The following SFMBT1 variants were observed in gnomAD, a reference collection of about 807,000 sequenced individuals.
The protein encoded by SFMBT1 is scm-like with four MBT domains protein 1.
Under a neutral mutation model 108.7 loss-of-function variants are expected in SFMBT1, and 32 were observed. The ratio of observed to expected loss-of-function variants is 0.29; its 90% CI spans 0.22 to 0.40. The LOEUF (loss-of-function observed/expected upper bound fraction) is 0.40. Among genes scored for constraint, SFMBT1 ranks in the 10% least tolerant of loss-of-function variants. SFMBT1 has a pLI of 1.00. For synonymous variants in SFMBT1, 348 were observed against 369.5 expected (o/e 0.94, Z 0.67); for missense variants, 816 against 1,059.6 (o/e 0.77, Z 3.19).
At chr3:52,991,105 T>C (rs535957723) in intron 1 of SFMBT1, among the ~76,000 whole-genome samples, 34 of 152,322 alleles carry the variant, frequency 2.2e-4, no homozygotes, top group African/African-American at 6.7e-4. Flanking sequence ...TTTTTTAAAA[T>C]TGCTCTTTGT....
At chr3:53,021,390 G>T (rs1699301389) in intron 1 of SFMBT1, among the ~76,000 whole-genome samples, 1 of 152,168 alleles carries the variant, frequency 6.6e-6, no homozygotes, top group South Asian at 2.1e-4. Context: ...TTAAAGCTGG[G>T]TGATGTGTAA....
intron 1 of SFMBT1, among the ~76,000 whole-genome samples, chr3:52,971,623 T>A (rs1704346507): frequency 1.3e-5 from 2 of 152,284 alleles, no homozygotes; most frequent in African/African-American, 4.8e-5. Context: ...GAGATATGGT[T>A]CCTGCTTTCA....
chr3:53,030,777 C>A (rs1438265879), intron 1 of SFMBT1, among the ~76,000 whole-genome samples: 1 of 150,858 alleles, frequency 6.6e-6, no homozygotes. Context: ...AATACATTAG[C>A]AAGTCTGTGA....
At chr3:52,964,935 A>G (rs1047033336) in intron 2 of SFMBT1, among the ~76,000 whole-genome samples, 5 of 152,208 alleles carry the variant, frequency 3.3e-5, no homozygotes, top group African/African-American at 1.2e-4. Context: ...ACACAAAGGA[A>G]AAATCAACTT....
rs192326263 is a variant in SFMBT1 at position 52,935,843 on chromosome 3, C to T, written c.365-942G>A. ...AGGTTTCTTCTCCTTCCTCCCCTCCCGTGTCCCTACTCTCTCTTTTTTTAC... is the reference window on the plus strand; with the variant it reads ...AGGTTTCTTCTCCTTCCTCCCCTCCTGTGTCCCTACTCTCTCTTTTTTTAC... On this transcript the variant is annotated intron_variant, in intron 4 of 20. Transcript: ENST00000394752. Among the ~76,000 whole-genome samples, 118 of 152,282 alleles carry T rather than the reference C, an allele frequency of 7.7e-4. 1 individual carries two copies. The highest frequency in any genetic ancestry group is 3.4e-3 in the Middle Eastern group (1 of 294).
chr3:52,989,253 G>A (rs527779050), intron 1 of SFMBT1, among the ~76,000 whole-genome samples: 1 of 151,914 alleles, frequency 6.6e-6, no homozygotes, highest in Admixed American at 6.6e-5. Context: ...AAAATTATTG[G>A]TATAATTTTC....
intron 2 of SFMBT1, among the ~76,000 whole-genome samples, chr3:52,966,624 C>CAAAAAA (rs35044878): frequency 1.9e-4 from 9 of 48,380 alleles, no homozygotes; most frequent in Non-Finnish European, 2.6e-4. Context: ...GACTCAGTCT[C>CAAAAAA]AAAAAAAAAA....
chr3:53,008,185 C>G (rs982861653), intron 1 of SFMBT1, among the ~76,000 whole-genome samples: 1 of 151,908 alleles, frequency 6.6e-6, no homozygotes, highest in South Asian at 2.1e-4. Flanking sequence ...TATAATGTGT[C>G]AATGTTAATT....
At chr3:53,019,802 T>A (rs913207189) in intron 1 of SFMBT1, among the ~76,000 whole-genome samples, 1 of 152,062 alleles carries the variant, frequency 6.6e-6, no homozygotes, top group African/African-American at 2.4e-5. Context: ...ACAAAGCAAA[T>A]CATGACACAA....
chr3:52,943,707 A>C, intron 3 of SFMBT1, 114 bp from the exon 4 acceptor site: 126 of 1,347,312 alleles, frequency 9.4e-5, no homozygotes, highest in Middle Eastern at 1.8e-4. Context: ...ATAACATCTC[A>C]AGGAAAGCCT....
intron 1 of SFMBT1, among the ~76,000 whole-genome samples, chr3:53,020,854 T>A (rs1699281798): frequency 6.6e-6 from 1 of 152,072 alleles, no homozygotes; most frequent in African/African-American, 2.4e-5. Context: ...GTCAGGAGGT[T>A]GAGACCAGCC....
At position 53,012,435 on chromosome 3, in the gene SFMBT1, C is replaced by T. The variant is rs556880326; in HGVS notation, c.-131+33381G>A. On this transcript the variant is annotated intron_variant, in intron 1 of 20. Transcript: ENST00000394752. ...TTTTTTTTCCCGAGACGGAGTCTCG[C>T]TCTGTCGCCCAGGCTGGAGTGCAGT... 3.3e-5 allele frequency among the ~76,000 whole-genome samples: 5 copies of T among 151,936 alleles called. No individual in the cohort carries two copies. In the East Asian group the frequency reaches 7.7e-4, roughly 23 times the overall value.
rs144561218 is a variant in SFMBT1, at chr3:52,961,813, C to T, written c.28+7288G>A. On this transcript the variant is annotated intron_variant, in intron 2 of 20. Coordinates refer to ENST00000394752, the MANE Select transcript of SFMBT1 (RefSeq NM_016329.4). ...GTCAATTTACATTACTAAAACTTAA[C>T]AAGGCTGGGCATTCGTGGCCCTTAG... Among the ~76,000 whole-genome samples, 238 of 152,206 alleles carry T rather than the reference C, an allele frequency of 1.6e-3. 1 individual carries two copies. Among genetic ancestry groups the T allele is most frequent in the African/African-American group, 5.5e-3 (227 of 41,514 alleles).
chr3:52,996,306 G>C (rs1698329942), intron 1 of SFMBT1, among the ~76,000 whole-genome samples: 1 of 143,432 alleles, frequency 7.0e-6, no homozygotes, highest in Admixed American at 7.2e-5. Context: ...CAACCTCCTG[G>C]GTTCAAGTGA....
chr3:52,906,190 T>G lies in SFMBT1; in HGVS notation c.2383A>C (p.Lys795Gln), dbSNP rs1702061352. The G allele has an allele frequency of 6.2e-7, 1 of 1,614,064 alleles. No homozygotes were observed. The highest frequency in any genetic ancestry group is 1.7e-5 in the Admixed American group (1 of 60,008). ...CGCACAACGTCTGCCACACTCCACTTCAAGGGGTTACTGTCCAGGTGAAGC... is the reference window on the plus strand; with the variant it reads ...CGCACAACGTCTGCCACACTCCACTGCAAGGGGTTACTGTCCAGGTGAAGC... ...ERLHLDSNPL[K>Q]WSVADVVRFI... The change falls in exon 20 of 21, where the codon AAG becomes CAG. Residue 795 changes from lysine (K) to glutamine (Q), a missense_variant. By Grantham distance (53) the Lys-to-Gln change is moderately conservative. Transcript: ENST00000394752.
chr3:52,928,644 A>ATG (rs1318450803), intron 8 of SFMBT1: 3 of 51,742 alleles, frequency 5.8e-5, no homozygotes, highest in African/African-American at 1.5e-4. Context: ...ATACATATAT[A>ATG]TATATATATA....
chr3:52,993,220 T>C (rs1027435917), intron 1 of SFMBT1, among the ~76,000 whole-genome samples: 3 of 134,872 alleles, frequency 2.2e-5, no homozygotes, highest in East Asian at 2.1e-4. Flanking sequence ...AAAAAACATG[T>C]AGTTTTTGCA....
intron 3 of SFMBT1, among the ~76,000 whole-genome samples, chr3:52,950,995 G>A (rs1703562953): frequency 6.6e-6 from 1 of 150,758 alleles, no homozygotes; most frequent in Non-Finnish European, 1.5e-5. Context: ...ATGGTGGTGG[G>A]TGTCTGTAGT....
chr3:53,029,554 C>T (rs2106955388), intron 1 of SFMBT1, among the ~76,000 whole-genome samples: 1 of 152,298 alleles, frequency 6.6e-6, no homozygotes, highest in South Asian at 2.1e-4. Flanking sequence ...TGCCAATGTA[C>T]AAAAGAATAC....
Sources: gnomAD v4.1 joint callset for allele counts (sites outside exome capture counted in the v4.1 genomes callset) on GRCh38, gnomAD v4.1.1 for gene constraint, MANE v1.5 for transcripts, NCBI Gene and HGNC (gene_info 2026-07-23, HGNC 2026-07-21) for gene names.